The following ATP6V1H variants were observed in gnomAD, a reference collection of about 807,000 sequenced individuals.
ATP6V1H encodes ATPase H+ transporting V1 subunit H.
A neutral mutation model predicts 71.7 loss-of-function variants in ATP6V1H; 39 were observed. The ratio of observed to expected loss-of-function variants is 0.54; its 90% confidence interval spans 0.42 to 0.71. The LOEUF (loss-of-function observed/expected upper bound fraction) is 0.71. Among genes scored for constraint, ATP6V1H ranks in the 30% least tolerant of loss-of-function variants. The probability of loss-of-function intolerance (pLI) is 0.00; values close to 1 mark genes in which losing one functional copy is unlikely to be tolerated. For synonymous variants in ATP6V1H, 192 were observed against 199.3 expected, an observed-to-expected ratio of 0.96 and a Z score of 0.31; for missense variants, 509 against 594.9, an observed-to-expected ratio of 0.86 and a Z score of 1.50.
chr8:53,831,450 C>T (rs150090864), intron 3 of ATP6V1H, among the ~76,000 whole-genome samples: 44 of 152,372 alleles, frequency 2.9e-4, no homozygotes, highest in Admixed American at 1.8e-3. Context: ...CAGTCCAACA[C>T]TTACCAAAAC....
At chr8:53,815,439 C>T (rs1364025337) in intron 5 of ATP6V1H, among the ~76,000 whole-genome samples, 1 of 152,192 alleles carries the variant, frequency 6.6e-6, no homozygotes, top group Non-Finnish European at 1.5e-5. Flanking sequence ...AATAATTCAT[C>T]CCAGTAGAGA....
intron 9 of ATP6V1H, among the ~76,000 whole-genome samples, chr8:53,792,315 T>G (rs1339736830): frequency 2.0e-5 from 3 of 152,078 alleles, no homozygotes; most frequent in Non-Finnish European, 4.4e-5. Context: ...CGAAAGAAAA[T>G]CTAATGCCCA....
chr8:53,785,671 A>G lies in ATP6V1H; in HGVS notation c.870+9976T>C, dbSNP rs184749583. ...GTTTTTTCCCCATCTTTGTGGTTTT[A>G]TCCACCTTTGGTCTTTGATGATGGT... is the stretch of plus-strand genomic sequence containing the variant. On this transcript the variant is annotated intron_variant, in intron 9 of 13. Transcript: ENST00000359530. 2.2e-3 allele frequency among the ~76,000 whole-genome samples: 337 copies of G among 152,076 alleles called. 2 individuals are homozygous for G. Among genetic ancestry groups the G allele is most frequent in the African/African-American group, 7.9e-3 (327 of 41,468 alleles).
At chr8:53,736,033 G>A (rs934359760) in intron 13 of ATP6V1H, among the ~76,000 whole-genome samples, 2 of 152,096 alleles carry the variant, frequency 1.3e-5, no homozygotes, top group African/African-American at 2.4e-5. Context: ...GTCTACCCAC[G>A]GCCGAAGCTT....
intron 12 of ATP6V1H, among the ~76,000 whole-genome samples, chr8:53,748,118 A>C (rs941070628): frequency 5.3e-5 from 8 of 151,724 alleles, no homozygotes; most frequent in African/African-American, 1.7e-4. Flanking sequence ...AGATCACGCC[A>C]TTGCACTCCA....
intron 4 of ATP6V1H, among the ~76,000 whole-genome samples, chr8:53,822,488 G>A (rs968457029): frequency 2.6e-5 from 4 of 151,954 alleles, no homozygotes; most frequent in Non-Finnish European, 5.9e-5. Flanking sequence ...AATAAAACAG[G>A]GGATTAACAG....
intron 11 of ATP6V1H, among the ~76,000 whole-genome samples, chr8:53,758,103 A>G (rs552837042): frequency 1.3e-5 from 2 of 152,326 alleles, no homozygotes; most frequent in South Asian, 4.1e-4. Flanking sequence ...AGTTTTTCAT[A>G]TATCTATTAA....
chr8:53,784,988 A>C (rs1384855324), intron 9 of ATP6V1H, among the ~76,000 whole-genome samples: 2 of 151,846 alleles, frequency 1.3e-5, no homozygotes, highest in Non-Finnish European at 2.9e-5. Context: ...CTTCATTTCA[A>C]CTTTGGTGAA....
chr8:53,796,775 G>A (rs1809756354), intron 8 of ATP6V1H, among the ~76,000 whole-genome samples: 1 of 152,172 alleles, frequency 6.6e-6, no homozygotes, highest in Admixed American at 6.5e-5. Context: ...CGGGAGAGGA[G>A]AGGATGTAAT....
At chr8:53,810,955 G>A (rs531675479) in intron 7 of ATP6V1H, among the ~76,000 whole-genome samples, 8 of 152,194 alleles carry the variant, frequency 5.3e-5, no homozygotes, top group East Asian at 1.9e-4. Context: ...AAAGAGCAAC[G>A]GGAAAGAACA....
chr8:53,801,087 T>C (rs1346197750), intron 8 of ATP6V1H, among the ~76,000 whole-genome samples: 2 of 152,220 alleles, frequency 1.3e-5, no homozygotes. Context: ...AAATACTGAC[T>C]GAAAAGACCT....
intron 4 of ATP6V1H, among the ~76,000 whole-genome samples, chr8:53,826,893 G>A (rs1329121167): frequency 4.6e-5 from 7 of 150,988 alleles, no homozygotes; most frequent in Non-Finnish European, 8.9e-5. Flanking sequence ...CAGAGGTTGC[G>A]GTGAGCGGGG....
At chr8:53,822,258 A>G (rs1810687245) in intron 4 of ATP6V1H, among the ~76,000 whole-genome samples, 1 of 152,138 alleles carries the variant, frequency 6.6e-6, no homozygotes, top group Non-Finnish European at 1.5e-5. Context: ...TCTAATTAAG[A>G]GATCCCTGGG....
At chr8:53,766,976 T>TCG (rs1295702694) in intron 11 of ATP6V1H, among the ~76,000 whole-genome samples, 2 of 152,170 alleles carry the variant, frequency 1.3e-5, no homozygotes, top group Admixed American at 6.5e-5. Flanking sequence ...CCACACCTAT[T>TCG]CGCACACTCC....
At chr8:53,735,408 T>C (rs892164864) in intron 13 of ATP6V1H, among the ~76,000 whole-genome samples, 1 of 152,190 alleles carries the variant, frequency 6.6e-6, no homozygotes, top group African/African-American at 2.4e-5. Flanking sequence ...AACTACATGC[T>C]GCCTACCAGC....
chr8:53,774,696 A>T (rs1585771910), intron 9 of ATP6V1H, among the ~76,000 whole-genome samples: 1 of 152,134 alleles, frequency 6.6e-6, no homozygotes, highest in East Asian at 1.9e-4. Context: ...AATGGAGTCT[A>T]GATATGAAAA....
At chr8:53,759,092 G>C (rs1202678927) in intron 11 of ATP6V1H, among the ~76,000 whole-genome samples, 6 of 152,170 alleles carry the variant, frequency 3.9e-5, no homozygotes. Flanking sequence ...TAGGACTACT[G>C]AATTAGAATC....
At chr8:53,732,672 G>GAA (rs577072917) in intron 13 of ATP6V1H, among the ~76,000 whole-genome samples, 1 of 140,090 alleles carries the variant, frequency 7.1e-6, no homozygotes, top group Non-Finnish European at 1.6e-5. Context: ...AAAAAAAAAA[G>GAA]AAAAAAAAAA....
intron 9 of ATP6V1H, among the ~76,000 whole-genome samples, chr8:53,781,337 T>C (rs753532078): frequency 3.3e-4 from 51 of 152,254 alleles, no homozygotes; most frequent in African/African-American, 1.2e-3. Context: ...CATAAATGTC[T>C]TCTTTTCAGA....
Sources: gnomAD v4.1 joint callset for allele counts (sites outside exome capture counted in the v4.1 genomes callset) on GRCh38, gnomAD v4.1.1 for gene constraint, MANE v1.5 for transcripts, NCBI Gene and HGNC (gene_info 2026-07-23, HGNC 2026-07-21) for gene names.